The following SSC5D variants were observed in gnomAD, a reference collection of about 807,000 sequenced individuals.
SSC5D encodes soluble scavenger receptor cysteine-rich domain-containing protein SSC5D.
A neutral mutation model predicts 104.6 loss-of-function variants in SSC5D; 106 were observed. The observed-to-expected ratio is 1.01, with a 90% CI of 0.87 to 1.19. SSC5D has a LOEUF of 1.19. SSC5D is among the 50% of genes most tolerant of loss of function. SSC5D has a pLI of 0.00. For synonymous variants in SSC5D, 860 were observed against 883.5 expected, an observed-to-expected ratio of 0.97 and a Z score of 0.47; for missense variants, 1,993 against 2,153.8, an observed-to-expected ratio of 0.93 and a Z score of 1.48.
intron 12 of SSC5D, among the ~76,000 whole-genome samples, chr19:55,510,725 A>G (rs1324217282): frequency 6.6e-6 from 1 of 151,676 alleles, no homozygotes; most frequent in Non-Finnish European, 1.5e-5. Flanking sequence ...TTTAATTAAT[A>G]GTACCACTAA....
At chr19:55,494,389 C>T (rs1476508859) in intron 7 of SSC5D, among the ~76,000 whole-genome samples, 1 of 152,130 alleles carries the variant, frequency 6.6e-6, no homozygotes, top group African/African-American at 2.4e-5. Context: ...CCCTAAGCTA[C>T]CATGCCCTCT....
chr19:55,511,391 G>C (rs59072551), intron 12 of SSC5D, among the ~76,000 whole-genome samples: 3,269 of 152,142 alleles, frequency 0.021, 130 homozygotes, highest in African/African-American at 0.075. Context: ...GCCTGGTTTT[G>C]CGTTTGGAAT....
chr19:55,488,662 C>T lies in SSC5D; in HGVS notation c.25+48C>T, dbSNP rs549195315. The T allele has an allele frequency of 1.4e-4, 205 of 1,493,356 alleles. 4 individuals are homozygous for T. The South Asian group carries it at 2.3e-3, about 17-fold the overall frequency. 92.5% of individuals were successfully genotyped at this position (1,493,356 alleles called of 1,614,324 possible). The stretch of plus-strand genomic sequence containing the variant: ...GGACTCGGGGGGCCTAGGCCCCCAC[C>T]TCTGACCCCTTAGCTTGTCCAGTTT... On this transcript the variant is annotated intron_variant, in intron 1 of 13. Coordinates refer to ENST00000389623, the MANE Select transcript of SSC5D (RefSeq NM_001144950.2).
chr19:55,499,085 T>C (rs549982171), intron 9 of SSC5D, among the ~76,000 whole-genome samples: 1 of 152,276 alleles, frequency 6.6e-6, no homozygotes, highest in Non-Finnish European at 1.5e-5. Flanking sequence ...CGTGGGGACT[T>C]GGCCACGTAC....
At chr19:55,504,781 G>A (rs555382061) in intron 12 of SSC5D, among the ~76,000 whole-genome samples, 1 of 152,304 alleles carries the variant, frequency 6.6e-6, no homozygotes. Context: ...ACAGGTGTGA[G>A]CCACCGCGCC....
chr19:55,491,174 T>C, intron 6 of SSC5D, 94 bp downstream of exon 6: 1 of 1,388,052 alleles, frequency 7.2e-7, no homozygotes, highest in South Asian at 1.5e-5. Context: ...TGCTCCCAGC[T>C]CTGCCTCCTG....
intron 1 of SSC5D, 43 bp from the exon 2 acceptor site, chr19:55,488,939 TGCGCTGGAGAAAGGGCCACCCCCG>T (rs1205287019): frequency 5.0e-6 from 2 of 403,804 alleles, no homozygotes; most frequent in Non-Finnish European, 6.6e-6. Flanking sequence ...ATGAGGGGCC[TGCGCTGGAGAAAGGGCCACCCCCG>T]GCCTGCCCCT....
Position 55,490,033 on chromosome 19 carries a change from C to T in SSC5D, c.475+38C>T, listed in dbSNP as rs749257541. 5.9e-5 allele frequency: 85 copies of T among 1,451,972 alleles called. No individual in the cohort carries two copies. In the South Asian group the frequency reaches 5.9e-4, roughly 10 times the overall value. 89.9% of individuals were successfully genotyped at this position (1,451,972 alleles called of 1,614,324 possible). On this transcript the variant is annotated intron_variant, in intron 4 of 13. Coordinates refer to ENST00000389623, the MANE Select transcript of SSC5D (RefSeq NM_001144950.2). ...GACTGCCCTGCCAACCCCCACCCAGCGTGCCCTCCTGCCCCCCCCGAGGGG... is the reference window on the plus strand; with the variant it reads ...GACTGCCCTGCCAACCCCCACCCAGTGTGCCCTCCTGCCCCCCCCGAGGGG...
At position 55,491,019 on chromosome 19, in the gene SSC5D, C is replaced by T. The variant is rs1162352445; in HGVS notation, c.834C>T (p.Pro278=). The T allele has an allele frequency of 6.5e-7, 1 of 1,550,212 alleles. No individual in the cohort carries two copies. The highest frequency in any genetic ancestry group is 8.7e-7 in the Non-Finnish European group (1 of 1,146,708). Reference sequence around the variant, plus strand: ...GAGAACAGGCCCTCCGAGACTGCCCCCGAAGCCCCTGGGGCCGGAGCAACT... The same window carrying T: ...GAGAACAGGCCCTCCGAGACTGCCCTCGAAGCCCCTGGGGCCGGAGCAACT... The part of the protein sequence containing the change: ...GGGEQALRDC[P]RSPWGRSNCD... The change falls in exon 6 of 14, where the codon CCC becomes CCT. Residue 278 remains proline, a synonymous_variant. Transcript: ENST00000389623.
intron 12 of SSC5D, among the ~76,000 whole-genome samples, chr19:55,505,171 C>T (rs547325197): frequency 1.3e-5 from 2 of 151,702 alleles, no homozygotes; most frequent in Admixed American, 6.6e-5. Context: ...CGTTTAAAAC[C>T]GCAGAATATT....
Position 55,503,534 on chromosome 19 carries a change from C to T in SSC5D, c.2785+2333C>T, listed in dbSNP as rs1196006577. On this transcript the variant is annotated intron_variant, in intron 12 of 13. Transcript: ENST00000389623. This position sits in a 1 kb window ranked among gnomAD's most constrained non-coding sequence, Gnocchi z 4.0. ...CCCCCTTCCCTCCGTTTCTGTCTCC[C>T]GCGGGCTCCTCTGTCCGTTTCTCAC... Among the ~76,000 whole-genome samples the T allele has an allele frequency of 1.3e-5, 2 of 152,070 alleles. No homozygotes were observed. The highest frequency in any genetic ancestry group is 4.8e-5 in the African/African-American group (2 of 41,398).
chr19:55,489,721 C>T (rs1987078464), intron 3 of SSC5D, 59 bp downstream of exon 3: 2 of 1,513,634 alleles, frequency 1.3e-6, no homozygotes, highest in African/African-American at 1.4e-5. Flanking sequence ...CCCAGGAACC[C>T]CAAGTCCTTA....
At chr19:55,502,024 T>G (rs1302129827) in intron 12 of SSC5D, among the ~76,000 whole-genome samples, 1 of 152,196 alleles carries the variant, frequency 6.6e-6, no homozygotes, top group African/African-American at 2.4e-5. Flanking sequence ...TGCCTCAGCT[T>G]CCTGAAAAGG....
intron 7 of SSC5D, among the ~76,000 whole-genome samples, chr19:55,494,226 C>T (rs370217249): frequency 3.3e-5 from 5 of 152,090 alleles, no homozygotes; most frequent in African/African-American, 1.2e-4. Flanking sequence ...GTGCACAGGC[C>T]GCCTCCACAG....
At position 55,503,995 on chromosome 19, in the gene SSC5D, C is replaced by T; in HGVS notation, c.2785+2794C>T. 1.0e-6 allele frequency: 1 copy of T among 966,714 alleles called. No individual in the cohort carries two copies. The highest frequency in any genetic ancestry group is 1.5e-6 in the Non-Finnish European group (1 of 671,548). 59.9% of individuals were successfully genotyped at this position (966,714 alleles called of 1,614,324 possible). A position where few individuals can be genotyped will look rare whatever the true frequency, so the allele number is the denominator to read the frequency against. ...TAATAATAGCTGGGCGAAGGGCAAC[C>T]AGGCCCCAAGAAGCGGGCCTTGAGG... is the stretch of plus-strand genomic sequence containing the variant. On this transcript the variant is annotated intron_variant, in intron 12 of 13. Coordinates refer to ENST00000389623, the MANE Select transcript of SSC5D (RefSeq NM_001144950.2). This position sits in a 1 kb window ranked among gnomAD's most constrained non-coding sequence, Gnocchi z 4.0.
chr19:55,500,733 G>A lies in SSC5D; in HGVS notation c.2546G>A (p.Ser849Asn). The A allele has an allele frequency of 6.4e-7, 1 of 1,551,704 alleles. No homozygotes were observed. The highest frequency in any genetic ancestry group is 8.7e-7 in the Non-Finnish European group (1 of 1,147,008). Residue 849 changes from serine to asparagine, a missense_variant, in exon 11 of 14, where the codon AGC becomes AAC. Ser to Asn is a conservative substitution (Grantham distance 46). Coordinates refer to ENST00000389623, the MANE Select transcript of SSC5D (RefSeq NM_001144950.2). The surrounding 1 kb of genome is among the most constrained non-coding windows in gnomAD (Gnocchi z 4.6). The stretch of plus-strand genomic sequence containing the variant: ...TGTAAGGGAAGCGAGGCCTCACTGA[G>A]CGACTGCCCCTCGGGGGCTTGGGGG... ...MGCKGSEASLSDCPSGAWGKH... is the reference protein window; with the variant it reads ...MGCKGSEASLNDCPSGAWGKH...
intron 12 of SSC5D, among the ~76,000 whole-genome samples, chr19:55,501,997 G>A (rs868852970): frequency 6.6e-6 from 1 of 152,052 alleles, no homozygotes; most frequent in African/African-American, 2.4e-5. Context: ...TGACTGCCCG[G>A]GCCCAAGCGA....
At chr19:55,495,233 A>ATATATATATATATATATATAATTT (rs1555765051) in intron 8 of SSC5D, among the ~76,000 whole-genome samples, 1 of 50,668 alleles carries the variant, frequency 2.0e-5, no homozygotes, top group East Asian at 9.4e-4. Context: ...ATATATATAT[A>ATATATATATATATATATATAATTT]TTTTTTTTTT....
intron 12 of SSC5D, among the ~76,000 whole-genome samples, chr19:55,507,757 G>T (rs1358859789): frequency 6.6e-6 from 1 of 152,090 alleles, no homozygotes; most frequent in African/African-American, 2.4e-5. Flanking sequence ...TGAGGTGGGT[G>T]CATGCTCTGC....
Sources: gnomAD v4.1 joint callset for allele counts (sites outside exome capture counted in the v4.1 genomes callset) on GRCh38, gnomAD v4.1.1 for gene constraint, Gnocchi (gnomAD v3.1) non-coding constraint, MANE v1.5 for transcripts, NCBI Gene and HGNC (gene_info 2026-07-23, HGNC 2026-07-21) for gene names.